Variants in TRIO observed in about 807,000 individuals in gnomAD.
TRIO encodes trio Rho guanine nucleotide exchange factor, also known as triple functional domain protein.
TRIO carries 58 observed loss-of-function variants against 351.9 expected under a neutral mutation model. The ratio of observed to expected loss-of-function variants is 0.16; its 90% confidence interval spans 0.13 to 0.21. The LOEUF (loss-of-function observed/expected upper bound fraction) is 0.21, where lower values mean the gene tolerates loss of function less well. TRIO is among the 10% of genes least tolerant of loss of function. TRIO has a pLI of 1.00. For synonymous variants in TRIO, 1,758 were observed against 1,595.7 expected (o/e 1.10, Z -2.42); for missense variants, 3,201 against 4,027.8 (o/e 0.79, Z 5.56).
At chr5:14,386,564 A>G (rs759000958) in intron 21 of TRIO, among the ~76,000 whole-genome samples, 2 of 152,244 alleles carry the variant, frequency 1.3e-5, no homozygotes, top group Non-Finnish European at 2.9e-5. Flanking sequence ...AGCAGGTTCC[A>G]TAGAAGAGGA....
chr5:14,500,268 G>A (rs1757191343), intron 53 of TRIO, among the ~76,000 whole-genome samples: 1 of 152,156 alleles, frequency 6.6e-6, no homozygotes, highest in African/African-American at 2.4e-5. Flanking sequence ...TTTGTGTTTT[G>A]TTTTAAATCT....
In TRIO at chr5:14,391,271, G is replaced by T. The variant is rs30800; in HGVS notation, c.4218+281G>T. Among the ~76,000 whole-genome samples, 36,566 of 151,898 alleles carry T rather than the reference G, an allele frequency of 0.24. 4,796 individuals carry two copies. The highest frequency in any genetic ancestry group is 0.37 in the Middle Eastern group (108 of 292). On this transcript the variant is annotated intron_variant, in intron 27 of 56. Transcript: ENST00000344204. ...GTGTATATGTTATTATTTATATTCA[G>T]TCATTTATAATATCATTACTATTTA...
intron 9 of TRIO, among the ~76,000 whole-genome samples, chr5:14,321,757 T>C (rs1419240937): frequency 6.6e-6 from 1 of 152,190 alleles, no homozygotes; most frequent in African/African-American, 2.4e-5. Context: ...CCACTTGTCA[T>C]GGGAGGGACC....
rs780727730 is a variant in TRIO, at chr5:14,487,686, TCTC to T, written c.7062_7064del (p.Ser2355del). 102 of 1,414,098 alleles carry T rather than the reference TCTC, an allele frequency of 7.2e-5. No individual in the cohort carries two copies. Among genetic ancestry groups the T allele is most frequent in the Non-Finnish European group, 9.3e-5 (100 of 1,072,668 alleles). 87.6% of individuals were successfully genotyped at this position (1,414,098 alleles called of 1,614,324 possible). A position where few individuals can be genotyped will look rare whatever the true frequency, so the allele number is the denominator to read the frequency against. ...GTCCGACACCACCCCCCCGTGCTGG[TCTC>T]CTCTGCAGCCTCGAGCCAGGCAGAG... On this transcript the variant is annotated inframe_deletion, in exon 48 of 57. Transcript: ENST00000344204.
intron 11 of TRIO, among the ~76,000 whole-genome samples, chr5:14,348,685 G>T (rs540972077): frequency 6.9e-6 from 1 of 144,524 alleles, no homozygotes; most frequent in Non-Finnish European, 1.5e-5. Flanking sequence ...GTACGCACAT[G>T]AGCATGTTTT....
intron 19 of TRIO, among the ~76,000 whole-genome samples, chr5:14,374,768 C>G (rs1214419641): frequency 6.6e-6 from 1 of 151,896 alleles, no homozygotes; most frequent in African/African-American, 2.4e-5. Flanking sequence ...ATACCTAAGG[C>G]ATAGTTAATA....
chr5:14,292,861 T>G, intron 5 of TRIO, 151 bp from the exon 6 acceptor site: 1 of 1,096,224 alleles, frequency 9.1e-7, no homozygotes, highest in Non-Finnish European at 1.3e-6. Context: ...GACTTGTTCT[T>G]CGAAGTAAAG....
Position 14,197,294 on chromosome 5 carries a change from A to G in TRIO, c.157+53412A>G, listed in dbSNP as rs545889852. ...GTGGTGGTAATTACATAAAGTGTGT[A>G]TCGAGGTGCTTCCTGTCTGTCTTAT... On this transcript the variant is annotated intron_variant, in intron 1 of 56. Coordinates refer to ENST00000344204, the MANE Select transcript of TRIO (RefSeq NM_007118.4). Among the ~76,000 whole-genome samples, 52 of 57,906 alleles carry G rather than the reference A, an allele frequency of 9.0e-4. 1 individual carries two copies. Among genetic ancestry groups the G allele is most frequent in the South Asian group, 2.1e-3 (3 of 1,432 alleles). 38.0% of individuals were successfully genotyped at this position (57,906 alleles called of 152,430 possible).
intron 1 of TRIO, among the ~76,000 whole-genome samples, chr5:14,217,777 GTGAT>G (rs1478082752): frequency 6.6e-6 from 1 of 152,198 alleles, no homozygotes; most frequent in African/African-American, 2.4e-5. Context: ...CCTCTGGTGT[GTGAT>G]TGTCGCAGCA....
Position 14,461,269 on chromosome 5 carries a change from C to G in TRIO, c.5454C>G (p.Ser1818=). 1 of 1,596,494 alleles carries G rather than the reference C, an allele frequency of 6.3e-7. No individual in the cohort carries two copies. The highest frequency in any genetic ancestry group is 8.5e-7 in the Non-Finnish European group (1 of 1,173,004). ...CCGACGCCGGCTCGCAGAAGGACTC[C>G]GACGACAGTGCGGCCACCCCGCAGG... ...KSADAGSQKD[S]DDSAATPQDE... is the part of the protein sequence containing the mutation. The change falls in exon 35 of 57, where the codon TCC becomes TCG. Residue 1818 remains serine (S), a synonymous_variant. Transcript: ENST00000344204.
chr5:14,224,562 A>G (rs1792857213), intron 1 of TRIO, among the ~76,000 whole-genome samples: 1 of 152,164 alleles, frequency 6.6e-6, no homozygotes, highest in Admixed American at 6.5e-5. Context: ...GGAAGGCTGG[A>G]TGGTTGTTTG....
chr5:14,336,974 G>A (rs190564436), intron 11 of TRIO, among the ~76,000 whole-genome samples: 8 of 152,298 alleles, frequency 5.3e-5, no homozygotes, highest in African/African-American at 1.9e-4. Context: ...CATGAGGGTT[G>A]GGAGAGACAG....
At chr5:14,436,108 T>C (rs1174201955) in intron 34 of TRIO, among the ~76,000 whole-genome samples, 1 of 152,188 alleles carries the variant, frequency 6.6e-6, no homozygotes, top group Non-Finnish European at 1.5e-5. Flanking sequence ...TGTATTCATC[T>C]GTTTTCACAC....
At position 14,412,306 on chromosome 5, in the gene TRIO, A is replaced by G. The variant is rs559966681; in HGVS notation, c.4959+5634A>G. 3.3e-5 allele frequency among the ~76,000 whole-genome samples: 5 copies of G among 152,300 alleles called. No individual in the cohort carries two copies. The South Asian group carries it at 1.0e-3, about 32-fold the overall frequency. Reference sequence around the variant, plus strand: ...CCCGGCCACGGTTCCGTGTATTTTAAAATTTAGAAAAGCAATCAGCTCTTT... The same window carrying G: ...CCCGGCCACGGTTCCGTGTATTTTAGAATTTAGAAAAGCAATCAGCTCTTT... On this transcript the variant is annotated intron_variant, in intron 33 of 56. Transcript: ENST00000344204.
At chr5:14,318,852 G>T (rs938072645) in intron 9 of TRIO, among the ~76,000 whole-genome samples, 2 of 152,176 alleles carry the variant, frequency 1.3e-5, no homozygotes, top group African/African-American at 2.4e-5. Flanking sequence ...CACATCCGTG[G>T]ACTGATGCAC....
intron 1 of TRIO, among the ~76,000 whole-genome samples, chr5:14,154,480 G>A (rs1366137144): frequency 2.0e-5 from 3 of 152,050 alleles, no homozygotes; most frequent in Non-Finnish European, 4.4e-5. Context: ...TCATCAAAAT[G>A]TGCACGTAGA....
chr5:14,304,617 T>C, intron 8 of TRIO, 25 bp downstream of exon 8: 1 of 1,598,020 alleles, frequency 6.3e-7, no homozygotes, highest in East Asian at 2.2e-5. Context: ...TTACTTACAT[T>C]GCAAAGCAGC....
In TRIO at chr5:14,509,302, A is replaced by G; in HGVS notation, c.*880A>G. ...TGTGGCTTTAACATTTTATGCAACT[A>G]TTTATGAAGACCTCTGTTGTACCTG... On this transcript the variant is annotated 3_prime_UTR_variant, in exon 57 of 57. Coordinates refer to ENST00000344204, the MANE Select transcript of TRIO (RefSeq NM_007118.4). The G allele has an allele frequency of 2.6e-6, 1 of 386,616 alleles. No homozygotes were observed. The highest frequency in any genetic ancestry group is 1.9e-5 in the South Asian group (1 of 53,730). 23.9% of individuals were successfully genotyped at this position (386,616 alleles called of 1,614,324 possible). A position where few individuals can be genotyped will look rare whatever the true frequency, so the allele number is the denominator to read the frequency against.
At chr5:14,329,148 A>G (rs1581630950) in intron 9 of TRIO, among the ~76,000 whole-genome samples, 1 of 152,226 alleles carries the variant, frequency 6.6e-6, no homozygotes, top group East Asian at 1.9e-4. Flanking sequence ...ATCAAGGGCA[A>G]GGAACCACAA....
Sources: gnomAD v4.1 joint callset for allele counts (sites outside exome capture counted in the v4.1 genomes callset) on GRCh38, gnomAD v4.1.1 for gene constraint, MANE v1.5 for transcripts, NCBI Gene and HGNC (gene_info 2026-07-23, HGNC 2026-07-21) for gene names.